Variants in IGSF9B observed in about 807,000 individuals in gnomAD.
IGSF9B encodes protein turtle homolog B.
A neutral mutation model predicts 143.7 loss-of-function variants in IGSF9B; 48 were observed. That is an observed-to-expected ratio of 0.33 (90% confidence interval 0.26 to 0.42). IGSF9B has a LOEUF of 0.42. Ranked by LOEUF, IGSF9B falls within the 20% of genes least tolerant of loss-of-function variation. IGSF9B has a pLI of 1.00. For synonymous variants in IGSF9B, 903 were observed against 833.1 expected (o/e 1.08, Z -1.44); for missense variants, 1,706 against 1,980.0 (o/e 0.86, Z 2.63).
chr11:133,909,349 T>G lies in IGSF9B; in HGVS notation c.4106-72A>C. 8.5e-7 allele frequency: 1 copy of G among 1,179,988 alleles called. No homozygotes were observed. The highest frequency in any genetic ancestry group is 1.3e-5 in the South Asian group (1 of 76,042). The allele number at this position is 1,179,988 out of a possible 1,614,324, so 73.1% of individuals were successfully genotyped here. A position where few individuals can be genotyped will look rare whatever the true frequency, so the allele number is the denominator to read the frequency against. ...AAGGAAGCACGCAGCCTGCTCACCT[T>G]TTCCACCTGCATTTGTTCCGGGTTT... On this transcript the variant is annotated intron_variant, in intron 19 of 19. Coordinates refer to ENST00000533871, the MANE Select transcript of IGSF9B (RefSeq NM_001277285.4). This position sits in a 1 kb window ranked among gnomAD's most constrained non-coding sequence, Gnocchi z 4.2.
At position 133,944,319 on chromosome 11, in the gene IGSF9B, G is replaced by T; in HGVS notation, c.310C>A (p.Arg104Ser). Reference sequence around the variant, plus strand: ...TCATACCAGCCCTGGTCCTCAGAGCGAACTTGTTCCAGCCGCAGAGATGCC... The same window carrying T: ...TCATACCAGCCCTGGTCCTCAGAGCTAACTTGTTCCAGCCGCAGAGATGCC... Reference protein sequence around the residue: ...DKASLRLEQVRSEDQGWYECK... With the variant: ...DKASLRLEQVSSEDQGWYECK... Residue 104 changes from arginine to serine, a missense_variant, in exon 3 of 20, where the codon CGC (arginine) becomes AGC (serine). Arg to Ser is a moderately radical substitution (Grantham distance 110). Around this residue, in one of 7 missense-constraint regions of IGSF9B, gnomAD observed 171 missense variants for 213.9 expected, o/e 0.80. Transcript: ENST00000533871. 6.2e-7 allele frequency: 1 copy of T among 1,613,938 alleles called. No homozygotes were observed. Among genetic ancestry groups the T allele is most frequent in the South Asian group, 1.1e-5 (1 of 91,060 alleles).
chr11:133,936,453 C>T (rs981238058), intron 5 of IGSF9B, among the ~76,000 whole-genome samples: 1 of 152,190 alleles, frequency 6.6e-6, no homozygotes, highest in Non-Finnish European at 1.5e-5. Context: ...CCGAGCCAGA[C>T]ATGCAGCAGG....
At position 133,907,014 on chromosome 11, in the gene IGSF9B, C is replaced by T. The variant is rs1391441122; in HGVS notation, c.*2055G>A. On this transcript the variant is annotated 3_prime_UTR_variant, in exon 20 of 20. Coordinates refer to ENST00000533871, the MANE Select transcript of IGSF9B (RefSeq NM_001277285.4). ...GAACACAAAGAGTTGTGTGCTCTTC[C>T]ATCTCGCAGAGCTGGTGCCCAGTGG... Among the ~76,000 whole-genome samples, 1 of 152,184 alleles carries T rather than the reference C, an allele frequency of 6.6e-6. No homozygotes were observed. The highest frequency in any genetic ancestry group is 1.5e-5 in the Non-Finnish European group (1 of 68,038).
At chr11:133,926,648 CAT>C (rs775362060) in intron 13 of IGSF9B, among the ~76,000 whole-genome samples, 6 of 152,366 alleles carry the variant, frequency 3.9e-5, no homozygotes, top group East Asian at 1.9e-4. Flanking sequence ...TGAAAGCAAA[CAT>C]GTGGCCTGAC....
chr11:133,903,740 T>C lies in IGSF9B; in HGVS notation c.*5329A>G, dbSNP rs1366679731. ...GAACATCTGGTGGGGTTATTATACTTGCTCCTGAAAGAAGGTTTTGAGAGT... is the reference window on the plus strand; with the variant it reads ...GAACATCTGGTGGGGTTATTATACTCGCTCCTGAAAGAAGGTTTTGAGAGT... On this transcript the variant is annotated 3_prime_UTR_variant, in exon 20 of 20. Transcript: ENST00000533871. 6.6e-6 allele frequency among the ~76,000 whole-genome samples: 1 copy of C among 152,140 alleles called. No homozygotes were observed. Among genetic ancestry groups the C allele is most frequent in the Non-Finnish European group, 1.5e-5 (1 of 68,024 alleles).
intron 18 of IGSF9B, among the ~76,000 whole-genome samples, chr11:133,919,532 GC>G (rs1309806757): frequency 1.3e-5 from 2 of 152,190 alleles, no homozygotes; most frequent in Non-Finnish European, 2.9e-5. Flanking sequence ...CATGCTCCCG[GC>G]AGGGCACCTG....
At position 133,925,978 on chromosome 11, in the gene IGSF9B, AAGG is replaced by A. The variant is rs771941465; in HGVS notation, c.1808-16_1808-14del. 1.9e-6 allele frequency: 3 copies of A among 1,557,508 alleles called. No individual in the cohort carries two copies. Among genetic ancestry groups the A allele is most frequent in the African/African-American group, 1.4e-5 (1 of 73,520 alleles). The stretch of plus-strand genomic sequence containing the variant: ...GTAATAGGGAATGCTGCGGCGGGGG[AAGG>A]AGAAGAACCACAGCGCATCAGCGAG... On this transcript the variant is annotated splice_polypyrimidine_tract_variant and intron_variant, in intron 13 of 19. Transcript: ENST00000533871.
intron 11 of IGSF9B, among the ~76,000 whole-genome samples, chr11:133,930,426 C>T (rs1417071719): frequency 6.6e-6 from 1 of 152,200 alleles, no homozygotes; most frequent in African/African-American, 2.4e-5. Context: ...GCTCCAAAAG[C>T]ATTGGCTGTG....
At chr11:133,915,436 T>A (rs1241346669) in intron 18 of IGSF9B, among the ~76,000 whole-genome samples, 1 of 152,022 alleles carries the variant, frequency 6.6e-6, no homozygotes, top group Admixed American at 6.6e-5. Flanking sequence ...GCCCAGCTAT[T>A]TTTTTGTATT....
At position 133,928,867 on chromosome 11, in the gene IGSF9B, CGAG is replaced by C; in HGVS notation, c.1631+801_1631+803del. 6.6e-6 allele frequency among the ~76,000 whole-genome samples: 1 copy of C among 151,976 alleles called. No homozygotes were observed. Among genetic ancestry groups the C allele is most frequent in the East Asian group, 1.9e-4 (1 of 5,170 alleles). ...CTGACAACAGAGGAATGAAAACAAT[CGAG>C]AAACACATGGTCCTAGAGAGAAAAT... On this transcript the variant is annotated intron_variant, in intron 12 of 19. Transcript: ENST00000533871. This position sits in a 1 kb window ranked among gnomAD's most constrained non-coding sequence, Gnocchi z 4.7.
chr11:133,946,287 AAAG>A (rs1345767292), intron 1 of IGSF9B, 29 bp from the exon 2 acceptor site: 1 of 1,597,288 alleles, frequency 6.3e-7, no homozygotes, highest in African/African-American at 1.3e-5. Flanking sequence ...TTGGACACAG[AAAG>A]GAGGTGACAA....
In IGSF9B at chr11:133,909,698, G is replaced by T. The variant is rs369323593; in HGVS notation, c.4106-421C>A. Among the ~76,000 whole-genome samples the T allele has an allele frequency of 6.6e-6, 1 of 152,160 alleles. No individual in the cohort carries two copies. The highest frequency in any genetic ancestry group is 1.5e-5 in the Non-Finnish European group (1 of 68,024). On this transcript the variant is annotated intron_variant, in intron 19 of 19. Transcript: ENST00000533871. The surrounding 1 kb of genome is among the most constrained non-coding windows in gnomAD (Gnocchi z 4.2). ...ACTTTATACAAGATTTTAATCGCAT[G>T]CAACGGTCAGGCCTTGACCCTTCCT...
intron 3 of IGSF9B, among the ~76,000 whole-genome samples, chr11:133,943,351 GACC>G (rs1305025805): frequency 6.6e-6 from 1 of 152,190 alleles, no homozygotes; most frequent in East Asian, 1.9e-4. Flanking sequence ...CCACGACGGG[GACC>G]ACTTCTCCTT....
In IGSF9B at chr11:133,904,999, G is replaced by A. The variant is rs144639752; in HGVS notation, c.*4070C>T. ...AAGATACCCAGGCAGGGCTGGGTTA[G>A]AAGCCCCGGTGGGAATGTGCACAGC... is the stretch of plus-strand genomic sequence containing the variant. On this transcript the variant is annotated 3_prime_UTR_variant, in exon 20 of 20. Transcript: ENST00000533871. Among the ~76,000 whole-genome samples, 176 of 150,344 alleles carry A rather than the reference G, an allele frequency of 1.2e-3. 1 individual carries two copies. In the East Asian group the frequency reaches 0.02, roughly 17 times the overall value.
At chr11:133,950,494 C>T (rs1375356417) in intron 1 of IGSF9B, among the ~76,000 whole-genome samples, 1 of 152,162 alleles carries the variant, frequency 6.6e-6, no homozygotes, top group African/African-American at 2.4e-5. Context: ...CAGCTGTGCC[C>T]GATGCACGGA....
chr11:133,911,089 C>T (rs1264068930), intron 19 of IGSF9B, among the ~76,000 whole-genome samples: 1 of 152,190 alleles, frequency 6.6e-6, no homozygotes, highest in African/African-American at 2.4e-5. Context: ...GAGAGTTACT[C>T]TACAACAGTT....
At chr11:133,956,109 G>A (rs1940247618) in intron 1 of IGSF9B, among the ~76,000 whole-genome samples, 1 of 152,138 alleles carries the variant, frequency 6.6e-6, no homozygotes, top group South Asian at 2.1e-4. Flanking sequence ...GGGCGCCCCT[G>A]CTAGGGGGAT....
chr11:133,922,707 T>A lies in IGSF9B; in HGVS notation c.2143A>T (p.Thr715Ser). The A allele has an allele frequency of 6.3e-7, 1 of 1,579,672 alleles. No homozygotes were observed. ...STDIFPQPDL[T>S]EDGLARPVLA... The stretch of plus-strand genomic sequence containing the variant: ...ACAGGCCGCGCCAGCCCATCCTCGG[T>A]CAGGTCCGGCTGCGGGAAGATGTCT... The change falls in exon 16 of 20, where the codon ACC (threonine) becomes TCC (serine). Residue 715 changes from threonine (T) to serine (S), a missense_variant. This residue lies in a region of IGSF9B where 267 missense variants were observed against 321.1 expected (regional missense o/e 0.83). Transcript: ENST00000533871.
In IGSF9B at chr11:133,907,510, A is replaced by AG. The variant is rs1260788813; in HGVS notation, c.*1558dup. Among the ~76,000 whole-genome samples, 1 of 152,170 alleles carries AG rather than the reference A, an allele frequency of 6.6e-6. No homozygotes were observed. Among genetic ancestry groups the AG allele is most frequent in the African/African-American group, 2.4e-5 (1 of 41,448 alleles). ...AACCTTCATTCTAAGCCAAGCCAGA[A>AG]GGGGGGCTCCTACACAAGAGTGGGG... is the stretch of plus-strand genomic sequence containing the variant. On this transcript the variant is annotated 3_prime_UTR_variant, in exon 20 of 20. Transcript: ENST00000533871.
Sources: gnomAD v4.1 joint callset for allele counts (sites outside exome capture counted in the v4.1 genomes callset) on GRCh38, gnomAD v4.1.1 for gene constraint, gnomAD v4.1.1 regional missense constraint, Gnocchi (gnomAD v3.1) non-coding constraint, MANE v1.5 for transcripts, NCBI Gene and HGNC (gene_info 2026-07-23, HGNC 2026-07-21) for gene names.